The following COBL variants were observed in gnomAD, a reference collection of about 807,000 sequenced individuals.
COBL encodes the protein cordon-bleu WH2 repeat protein, also known as protein cordon-bleu.
A neutral mutation model predicts 98.8 loss-of-function variants in COBL; 51 were observed. The ratio of observed to expected loss-of-function variants is 0.52; its 90% CI spans 0.41 to 0.65. COBL has a LOEUF of 0.65. Among genes scored for constraint, COBL ranks in the 30% least tolerant of loss-of-function variants. The pLI, the probability that COBL is intolerant of heterozygous loss-of-function variation, is 0.00. For missense variants in COBL, 1,617 were observed against 1,617.5 expected (o/e 1.00, Z 0.01); for synonymous variants, 634 against 651.7 (o/e 0.97, Z 0.41).
intron 6 of COBL, among the ~76,000 whole-genome samples, chr7:51,101,203 G>C (rs1267035367): frequency 6.6e-6 from 1 of 152,200 alleles, no homozygotes; most frequent in Non-Finnish European, 1.5e-5. Context: ...CTTGAAAAAT[G>C]TCTGGCAAAG....
At chr7:51,281,472 C>T (rs1799813457) in intron 1 of COBL, among the ~76,000 whole-genome samples, 1 of 151,786 alleles carries the variant, frequency 6.6e-6, no homozygotes, top group Non-Finnish European at 1.5e-5. Context: ...AGGATGAGTA[C>T]AAAAAAAGCC....
At chr7:51,251,096 A>G (rs146179676) in intron 1 of COBL, among the ~76,000 whole-genome samples, 9 of 152,364 alleles carry the variant, frequency 5.9e-5, no homozygotes, top group Admixed American at 1.3e-4. Flanking sequence ...AACAGTATAC[A>G]TTCTAAATTT....
intron 1 of COBL, among the ~76,000 whole-genome samples, chr7:51,281,684 A>T (rs148906976): frequency 0.011 from 1,643 of 152,150 alleles, 24 homozygotes; most frequent in African/African-American, 0.037. Context: ...TACTATATCC[A>T]GTAAATATAT....
chr7:51,286,997 T>C (rs1347245130), intron 1 of COBL, among the ~76,000 whole-genome samples: 1 of 152,180 alleles, frequency 6.6e-6, no homozygotes, highest in Non-Finnish European at 1.5e-5. Flanking sequence ...CCTAAGTGAA[T>C]TAATGCAGGA....
chr7:51,264,119 G>T (rs1387426528), intron 1 of COBL, among the ~76,000 whole-genome samples: 2 of 152,194 alleles, frequency 1.3e-5, no homozygotes, highest in Non-Finnish European at 2.9e-5. Flanking sequence ...GTCCCCATGA[G>T]ATGCCTTCTG....
chr7:51,090,887 G>A (rs1794753577), intron 6 of COBL, among the ~76,000 whole-genome samples: 1 of 152,232 alleles, frequency 6.6e-6, no homozygotes, highest in Non-Finnish European at 1.5e-5. Context: ...AAAATCTGCA[G>A]TACCATAGAC....
chr7:51,036,163 G>A (rs543659775), intron 8 of COBL, among the ~76,000 whole-genome samples: 18 of 152,074 alleles, frequency 1.2e-4, no homozygotes, highest in African/African-American at 3.9e-4. Flanking sequence ...CCAACAGGGC[G>A]AAACCCCATC....
chr7:51,110,135 T>A (rs1478113566), intron 6 of COBL, among the ~76,000 whole-genome samples: 3 of 152,226 alleles, frequency 2.0e-5, no homozygotes, highest in African/African-American at 7.2e-5. Flanking sequence ...TAAAATCTTT[T>A]CTATTTCAAA....
chr7:51,030,947 T>C lies in COBL; in HGVS notation c.1407-38A>G, dbSNP rs1402183567. On this transcript the variant is annotated intron_variant, in intron 8 of 12. Coordinates refer to ENST00000265136, the MANE Select transcript of COBL (RefSeq NM_015198.5). ...AAAGAGAAAGGAGCACTCATTTCTC[T>C]TACTATTGATTTAATGTACTCCTTT... The C allele has an allele frequency of 2.3e-6, 3 of 1,312,028 alleles. No individual in the cohort carries two copies. The South Asian group carries it at 3.6e-5, about 16-fold the overall frequency. 81.3% of individuals were successfully genotyped at this position (1,312,028 alleles called of 1,614,324 possible).
intron 7 of COBL, among the ~76,000 whole-genome samples, chr7:51,080,055 C>T (rs1793481901): frequency 6.6e-6 from 1 of 152,146 alleles, no homozygotes; most frequent in Non-Finnish European, 1.5e-5. Flanking sequence ...AGGAGGCTGG[C>T]TGTGGAAGGG....
At chr7:51,312,352 T>G (rs1003143320) in intron 1 of COBL, among the ~76,000 whole-genome samples, 2 of 151,882 alleles carry the variant, frequency 1.3e-5, no homozygotes, top group African/African-American at 4.8e-5. Context: ...AATAAATAAA[T>G]ACAGGAACTC....
intron 1 of COBL, among the ~76,000 whole-genome samples, chr7:51,293,663 T>C (rs1403708912): frequency 6.6e-6 from 1 of 152,236 alleles, no homozygotes; most frequent in Admixed American, 6.5e-5. Flanking sequence ...TGCCTTAATA[T>C]GTATAGTTTA....
chr7:51,230,596 T>C (rs147297066), intron 1 of COBL, among the ~76,000 whole-genome samples: 4 of 152,308 alleles, frequency 2.6e-5, no homozygotes, highest in Admixed American at 6.5e-5. Flanking sequence ...TGAAGGAATC[T>C]CCTGCATCAC....
intron 5 of COBL, among the ~76,000 whole-genome samples, chr7:51,137,598 A>AC (rs1799360403): frequency 6.6e-6 from 1 of 151,790 alleles, no homozygotes; most frequent in African/African-American, 2.4e-5. Flanking sequence ...AAAAAAAAAA[A>AC]AAGGAGTTCT....
chr7:51,271,827 C>G (rs1008264354), intron 1 of COBL, among the ~76,000 whole-genome samples: 2 of 152,286 alleles, frequency 1.3e-5, no homozygotes, highest in Non-Finnish European at 2.9e-5. Flanking sequence ...GTCAGGAGTT[C>G]TAAGACCAGT....
In COBL at chr7:51,259,910, A is replaced by T. The variant is rs1027910254; in HGVS notation, c.42-39966T>A. On this transcript the variant is annotated intron_variant, in intron 1 of 12. Transcript: ENST00000265136. ...CCTTTCAATGCGTACAATAAAGGCC[A>T]AGGAATGTTATCTGGCAATTCCAAG... 6 of 755,974 alleles carry T rather than the reference A, an allele frequency of 7.9e-6. No homozygotes were observed. In the African/African-American group the frequency reaches 8.5e-5, roughly 11 times the overall value. The allele number at this position is 755,974 out of a possible 1,614,324, so 46.8% of individuals were successfully genotyped here. A position where few individuals can be genotyped will look rare whatever the true frequency, so the allele number is the denominator to read the frequency against.
At chr7:51,243,171 G>A (rs1349502617) in intron 1 of COBL, among the ~76,000 whole-genome samples, 2 of 152,208 alleles carry the variant, frequency 1.3e-5, no homozygotes, top group East Asian at 1.9e-4. Context: ...TCAAGCCAAC[G>A]TGCTGAGGTG....
At position 51,083,034 on chromosome 7, in the gene COBL, C is replaced by T. The variant is rs776961722; in HGVS notation, c.1096+2132G>A. ...CAGAGAGATGAACAGTTAACACAGT[C>T]GGAATGAAGCAAGAGGAACATACGT... On this transcript the variant is annotated intron_variant, in intron 7 of 12. Coordinates refer to ENST00000265136, the MANE Select transcript of COBL (RefSeq NM_015198.5). 2.8e-5 allele frequency: 43 copies of T among 1,534,882 alleles called. No homozygotes were observed. The East Asian group carries it at 3.7e-4, about 13-fold the overall frequency.
intron 6 of COBL, among the ~76,000 whole-genome samples, chr7:51,123,903 A>G (rs116643256): frequency 0.022 from 3,377 of 152,228 alleles, 119 homozygotes; most frequent in African/African-American, 0.072. Context: ...CAAGTGTTAC[A>G]CAACTCTCTT....
Sources: allele counts gnomAD v4.1 joint callset (sites outside exome capture counted in the v4.1 genomes callset), GRCh38; gene constraint gnomAD v4.1.1; transcripts MANE v1.5; gene names NCBI Gene and HGNC (gene_info 2026-07-23, HGNC 2026-07-21).